NEK5: variants seen among roughly 807,000 people sequenced by gnomAD.
NEK5 encodes the protein NIMA related kinase 5.
Under a neutral mutation model 109.2 loss-of-function variants are expected in NEK5, and 88 were observed. The ratio of observed to expected loss-of-function variants is 0.81; its 90% CI spans 0.68 to 0.96. The LOEUF (loss-of-function observed/expected upper bound fraction) is 0.96. Among genes scored for constraint, NEK5 ranks in the 40% least tolerant of loss-of-function variants. The pLI is 0.00. For synonymous variants in NEK5, 283 were observed against 299.9 expected, an observed-to-expected ratio of 0.94 and a Z score of 0.58; for missense variants, 834 against 920.7, an observed-to-expected ratio of 0.91 and a Z score of 1.22.
chr13:52,110,970 G>A (rs1245548114), intron 5 of NEK5, among the ~76,000 whole-genome samples: 1 of 152,148 alleles, frequency 6.6e-6, no homozygotes, highest in East Asian at 1.9e-4. Context: ...GAAGCCATTG[G>A]TTCTTCCTTT....
At chr13:52,120,251 C>T (rs750098876) in intron 3 of NEK5, among the ~76,000 whole-genome samples, 5 of 152,118 alleles carry the variant, frequency 3.3e-5, no homozygotes, top group African/African-American at 4.8e-5. Flanking sequence ...CTCTAAGCTT[C>T]AGTGTTTCCT....
intron 23 of NEK5, among the ~76,000 whole-genome samples, chr13:52,042,660 G>T (rs1045635075): frequency 6.6e-6 from 1 of 151,866 alleles, no homozygotes; most frequent in African/African-American, 2.4e-5. Context: ...GAATAAAAGG[G>T]TTTTGTGGTG....
chr13:52,108,916 A>G (rs912879602), intron 7 of NEK5, among the ~76,000 whole-genome samples: 2 of 152,236 alleles, frequency 1.3e-5, no homozygotes, highest in African/African-American at 2.4e-5. Context: ...AAAGTTATCA[A>G]GAAGTCTTCA....
At chr13:52,068,063 C>A (rs1295458006) in intron 20 of NEK5, among the ~76,000 whole-genome samples, 3 of 152,020 alleles carry the variant, frequency 2.0e-5, no homozygotes. Flanking sequence ...ACTAGGAGAA[C>A]AGGGTGGAGC....
rs574191214 is a variant in NEK5 at position 52,068,780 on chromosome 13, G to A, written c.1849+3164C>T. Among the ~76,000 whole-genome samples, 3 of 152,154 alleles carry A rather than the reference G, an allele frequency of 2.0e-5. No homozygotes were observed. In the South Asian group the frequency reaches 6.2e-4, roughly 32 times the overall value. Reference sequence around the variant, plus strand: ...GATCAAGAGTTCAAATACCAGCCTGGCAAACATGGTGAAACCTCATCTCTA... The same window carrying A: ...GATCAAGAGTTCAAATACCAGCCTGACAAACATGGTGAAACCTCATCTCTA... On this transcript the variant is annotated intron_variant, in intron 20 of 23. Coordinates refer to ENST00000684899, the MANE Select transcript of NEK5 (RefSeq NM_001365552.1).
intron 17 of NEK5, among the ~76,000 whole-genome samples, chr13:52,079,422 G>A (rs1423788133): frequency 1.3e-5 from 2 of 151,772 alleles, no homozygotes; most frequent in Non-Finnish European, 2.9e-5. Flanking sequence ...GCCTCAGCCT[G>A]CCGAGTGCCT....
intron 19 of NEK5, among the ~76,000 whole-genome samples, chr13:52,073,833 A>G (rs377672258): frequency 2.5e-4 from 38 of 152,214 alleles, no homozygotes; most frequent in African/African-American, 9.1e-4. Context: ...CACCAATAAC[A>G]TTCAAGCAGA....
At chr13:52,089,858 GT>G (rs1418941082) in intron 13 of NEK5, among the ~76,000 whole-genome samples, 1 of 151,970 alleles carries the variant, frequency 6.6e-6, no homozygotes. Context: ...GTGGGCACCT[GT>G]AATCCCAGCT....
At chr13:52,124,533 A>T (rs1956028779) in intron 3 of NEK5, among the ~76,000 whole-genome samples, 1 of 152,152 alleles carries the variant, frequency 6.6e-6, no homozygotes, top group South Asian at 2.1e-4. Context: ...ATTACTTAAC[A>T]AATTACCTAC....
intron 22 of NEK5, among the ~76,000 whole-genome samples, chr13:52,056,426 T>C (rs1954555575): frequency 6.6e-6 from 1 of 151,056 alleles, no homozygotes; most frequent in African/African-American, 2.4e-5. Flanking sequence ...GGAATTGAAC[T>C]CAGCTCTGCA....
At chr13:52,042,193 A>G (rs1954420389) in intron 23 of NEK5, among the ~76,000 whole-genome samples, 3 of 151,956 alleles carry the variant, frequency 2.0e-5, no homozygotes, top group African/African-American at 4.8e-5. Flanking sequence ...AATCTTTGAT[A>G]TGAAAAGAAT....
chr13:52,047,485 G>C (rs1422279934), intron 23 of NEK5, among the ~76,000 whole-genome samples: 2 of 152,114 alleles, frequency 1.3e-5, no homozygotes, highest in Non-Finnish European at 2.9e-5. Context: ...TAGGTAGTAG[G>C]AAGACTGAAA....
intron 11 of NEK5, among the ~76,000 whole-genome samples, chr13:52,101,051 AC>A (rs1178050925): frequency 6.6e-6 from 1 of 152,082 alleles, no homozygotes; most frequent in Admixed American, 6.6e-5. Flanking sequence ...CTCTTTCTTA[AC>A]GTACCCCTCC....
chr13:52,102,429 T>A, intron 9 of NEK5, 137 bp from the exon 10 acceptor site: 4 of 708,262 alleles, frequency 5.6e-6, no homozygotes, highest in Non-Finnish European at 9.5e-6. Flanking sequence ...TAGGGTCACC[T>A]GTAATCCCAG....
intron 22 of NEK5, among the ~76,000 whole-genome samples, chr13:52,050,429 A>T (rs1426084239): frequency 6.6e-6 from 1 of 152,102 alleles, no homozygotes. Flanking sequence ...AAACACCTCC[A>T]CTTTTGGGGT....
chr13:52,123,351 A>C (rs1956005865), intron 3 of NEK5, among the ~76,000 whole-genome samples: 1 of 152,196 alleles, frequency 6.6e-6, no homozygotes, highest in South Asian at 2.1e-4. Context: ...AGTGATGAAA[A>C]ATTGGTGCTC....
intron 3 of NEK5, among the ~76,000 whole-genome samples, chr13:52,125,271 A>G (rs1642747930): frequency 6.6e-6 from 1 of 152,220 alleles, no homozygotes; most frequent in Non-Finnish European, 1.5e-5. Flanking sequence ...TAGATTAATA[A>G]CATAGATGTT....
intron 12 of NEK5, among the ~76,000 whole-genome samples, chr13:52,094,275 C>T (rs572225339): frequency 2.0e-5 from 3 of 152,118 alleles, no homozygotes; most frequent in Non-Finnish European, 2.9e-5. Flanking sequence ...TAACCTAAAG[C>T]GTGGCAACTC....
At chr13:52,065,790 C>T (rs567102996) in intron 20 of NEK5, among the ~76,000 whole-genome samples, 181 bp from the exon 21 acceptor site, 2 of 152,266 alleles carry the variant, frequency 1.3e-5, no homozygotes, top group South Asian at 4.1e-4. Context: ...CACTGTTTTA[C>T]TTTTACTCTT....
Sources: gnomAD v4.1 joint callset for allele counts (sites outside exome capture counted in the v4.1 genomes callset) on GRCh38, gnomAD v4.1.1 for gene constraint, MANE v1.5 for transcripts, NCBI Gene and HGNC (gene_info 2026-07-23, HGNC 2026-07-21) for gene names.